EYS: variants seen among roughly 807,000 people sequenced by gnomAD.
The protein encoded by EYS is EGF-like photoreceptor maintenance factor.
In EYS, 250 loss-of-function variants were observed where a neutral mutation model predicts 282.1. That is an observed-to-expected ratio of 0.89 (90% CI 0.80 to 0.98). The LOEUF is 0.98. Ranked by LOEUF, EYS falls within the 50% of genes least tolerant of loss-of-function variation. The probability of loss-of-function intolerance (pLI) is 0.00; values close to 1 mark genes in which losing one functional copy is unlikely to be tolerated. For missense variants in EYS, 4,016 were observed against 3,709.0 expected, an observed-to-expected ratio of 1.08 and a Z score of -2.15; for synonymous variants, 1,355 against 1,282.9, an observed-to-expected ratio of 1.06 and a Z score of -1.20.
chr6:65,546,744 T>C (rs6919610), intron 2 of EYS, among the ~76,000 whole-genome samples: 19,504 of 151,966 alleles, frequency 0.13, 1,307 homozygotes, highest in South Asian at 0.19. Flanking sequence ...GCTACTTTTG[T>C]ATTTTTAGTA....
chr6:64,303,814 C>A (rs1467258820), intron 30 of EYS, among the ~76,000 whole-genome samples: 2 of 129,760 alleles, frequency 1.5e-5, no homozygotes, highest in African/African-American at 6.1e-5. Context: ...GCACTCCAGC[C>A]TGGGCGACAG....
At chr6:65,263,288 C>T (rs2150259663) in intron 12 of EYS, among the ~76,000 whole-genome samples, 1 of 152,134 alleles carries the variant, frequency 6.6e-6, no homozygotes, top group East Asian at 1.9e-4. Context: ...CTGCAGTGAG[C>T]TATGATCGTG....
At chr6:65,489,090 C>T (rs886454130) in intron 5 of EYS, among the ~76,000 whole-genome samples, 2 of 152,096 alleles carry the variant, frequency 1.3e-5, no homozygotes, top group African/African-American at 4.8e-5. Context: ...GTCTGAAACA[C>T]CAAAAGCAAT....
chr6:65,187,531 C>CT (rs1158171741), intron 12 of EYS, among the ~76,000 whole-genome samples: 1 of 151,586 alleles, frequency 6.6e-6, no homozygotes, highest in Non-Finnish European at 1.5e-5. Flanking sequence ...ATAATTCCAA[C>CT]TTTTTCATGC....
In EYS at chr6:65,402,565, A is replaced by G; in HGVS notation, c.1097T>C (p.Leu366Pro). The change falls in exon 7 of 43, where the codon CTT (leucine) becomes CCT (proline). Residue 366 changes from leucine to proline, a missense_variant. Coordinates refer to ENST00000503581, the MANE Select transcript of EYS (RefSeq NM_001142800.2). Reference sequence around the variant, plus strand: ...ACATGATGTTTGAATGCTCTTACAAAGCAAATCTGTAAATATTGGTGAACA... The same window carrying G: ...ACATGATGTTTGAATGCTCTTACAAGGCAAATCTGTAAATATTGGTGAACA... The part of the protein sequence containing the change: ...CICSPIFTDL[L>P]CKSIQTSCES... 1.3e-6 allele frequency: 2 copies of G among 1,580,226 alleles called. No individual in the cohort carries two copies. Among genetic ancestry groups the G allele is most frequent in the East Asian group, 2.2e-5 (1 of 44,498 alleles).
At chr6:64,514,318 G>A (rs1777496966) in intron 26 of EYS, among the ~76,000 whole-genome samples, 4 of 151,816 alleles carry the variant, frequency 2.6e-5, no homozygotes, top group Admixed American at 2.6e-4. Flanking sequence ...ATCAGTGTAG[G>A]ATAATGAATT....
intron 13 of EYS, among the ~76,000 whole-genome samples, chr6:65,026,236 G>A (rs1386438658): frequency 6.6e-6 from 1 of 152,056 alleles, no homozygotes; most frequent in Non-Finnish European, 1.5e-5. Context: ...TTATTATTAG[G>A]CAAACATAAT....
chr6:65,387,104 T>G (rs1196982522), intron 7 of EYS, among the ~76,000 whole-genome samples: 3 of 152,032 alleles, frequency 2.0e-5, no homozygotes, highest in Non-Finnish European at 4.4e-5. Flanking sequence ...TACCACTGAT[T>G]TAAATATCTT....
Position 65,443,226 on chromosome 6 carries a change from G to A in EYS, c.863-37859C>T, listed in dbSNP as rs115622837. Among the ~76,000 whole-genome samples the A allele has an allele frequency of 3.6e-3, 371 of 102,680 alleles. 3 individuals carry two copies. The highest frequency in any genetic ancestry group is 0.02 in the Middle Eastern group (3 of 148). The allele number at this position is 102,680 out of a possible 152,430, so 67.4% of individuals were successfully genotyped here. A position where few individuals can be genotyped will look rare whatever the true frequency, so the allele number is the denominator to read the frequency against. On this transcript the variant is annotated intron_variant, in intron 5 of 42. Transcript: ENST00000503581. ...ATATATGTATGCATCATATACACAT[G>A]TATGTGAACATATAGACATATGTGT... is the stretch of plus-strand genomic sequence containing the variant.
At chr6:64,756,051 C>T (rs542666663) in intron 22 of EYS, among the ~76,000 whole-genome samples, 237 of 152,156 alleles carry the variant, frequency 1.6e-3, no homozygotes, top group Non-Finnish European at 2.8e-3. Context: ...AAATCATTAG[C>T]AAATTATTAA....
intron 12 of EYS, among the ~76,000 whole-genome samples, chr6:65,143,458 A>G (rs973794309): frequency 3.3e-5 from 5 of 152,072 alleles, no homozygotes; most frequent in African/African-American, 1.2e-4. Context: ...ATAACCAATA[A>G]TATTCAAGTT....
At chr6:65,053,879 C>G (rs746949896) in intron 13 of EYS, among the ~76,000 whole-genome samples, 1 of 151,728 alleles carries the variant, frequency 6.6e-6, no homozygotes, top group East Asian at 1.9e-4. Flanking sequence ...AAAAATTTAC[C>G]AACTTAATCT....
intron 12 of EYS, among the ~76,000 whole-genome samples, chr6:65,287,376 T>C (rs890827594): frequency 6.6e-6 from 1 of 151,464 alleles, no homozygotes; most frequent in Non-Finnish European, 1.5e-5. Context: ...AAGATGGTTA[T>C]TTTATAACAC....
chr6:64,403,523 AT>A (rs1274878491), intron 28 of EYS, among the ~76,000 whole-genome samples: 1 of 151,714 alleles, frequency 6.6e-6, no homozygotes, highest in Non-Finnish European at 1.5e-5. Context: ...CGCCCGGCTA[AT>A]TTTTTTGTAT....
intron 2 of EYS, among the ~76,000 whole-genome samples, chr6:65,512,465 T>C (rs113551857): frequency 0.031 from 4,394 of 140,608 alleles, 227 homozygotes; most frequent in African/African-American, 0.11. Flanking sequence ...CTCCATCCAG[T>C]CTGGGCGACA....
rs1173093799 is a variant in EYS, at chr6:63,763,958, C to CCTCCCTCCCTCA, written c.7899-1337_7899-1326dup. 7.5e-5 allele frequency among the ~76,000 whole-genome samples: 11 copies of CCTCCCTCCCTCA among 147,076 alleles called. No individual in the cohort carries two copies. The East Asian group carries it at 1.0e-3, about 14-fold the overall frequency. ...TGTTTATTTTGCCCCCTCCGGCCTCCCTCCCTCCCTCACTCCCTGCCTGCC... is the reference window on the plus strand; with the variant it reads ...TGTTTATTTTGCCCCCTCCGGCCTCCCTCCCTCCCTCACTCCCTCCCTCACTCCCTGCCTGCC... On this transcript the variant is annotated intron_variant, in intron 40 of 42. Transcript: ENST00000503581.
chr6:64,219,604 G>A (rs1056274647), intron 31 of EYS, among the ~76,000 whole-genome samples: 42 of 152,138 alleles, frequency 2.8e-4, no homozygotes, highest in African/African-American at 9.7e-4. Flanking sequence ...CTGAGGAATC[G>A]CCACACTGAC....
intron 22 of EYS, among the ~76,000 whole-genome samples, chr6:64,718,576 C>T (rs1467546962): frequency 1.3e-5 from 2 of 152,140 alleles, no homozygotes; most frequent in African/African-American, 2.4e-5. Flanking sequence ...ACCTCATCTC[C>T]ACCTTAACAT....
At chr6:64,310,998 T>C (rs1582577579) in intron 29 of EYS, among the ~76,000 whole-genome samples, 1 of 152,078 alleles carries the variant, frequency 6.6e-6, no homozygotes, top group Non-Finnish European at 1.5e-5. Flanking sequence ...ATAATGGTGA[T>C]AGTTGATAGT....
Sources: allele counts gnomAD v4.1 joint callset (sites outside exome capture counted in the v4.1 genomes callset), GRCh38; gene constraint gnomAD v4.1.1; transcripts MANE v1.5; gene names NCBI Gene and HGNC (gene_info 2026-07-23, HGNC 2026-07-21).